The following ERAP1 variants were observed in gnomAD, a reference collection of about 807,000 sequenced individuals.
ERAP1 encodes endoplasmic reticulum aminopeptidase 1.
In ERAP1, 86 loss-of-function variants were observed where a neutral mutation model predicts 103.7. The ratio of observed to expected loss-of-function variants is 0.83; its 90% confidence interval spans 0.70 to 0.99. The LOEUF is 0.99. ERAP1 is among the 50% of genes least tolerant of loss of function. The pLI is 0.00. For synonymous variants in ERAP1, 398 were observed against 402.4 expected (o/e 0.99, Z 0.13); for missense variants, 1,009 against 1,128.4 (o/e 0.89, Z 1.52).
At chr5:96,811,770 A>C (rs972211548), upstream of ERAP1, among the ~76,000 whole-genome samples, 2 of 152,212 alleles carry the variant, frequency 1.3e-5, no homozygotes, top group African/African-American at 4.8e-5. Context: ...GTGGATCCTG[A>C]AGAACATTCT....
At chr5:96,924,507 G>C in the ERAP1 span, among the ~76,000 whole-genome samples, 3 of 151,948 alleles carry the variant, frequency 2.0e-5, no homozygotes, top group Admixed American at 2.0e-4. Flanking sequence ...ATAGCTGTAA[G>C]AAACAAACAA....
intron 1 of ERAP1, chr5:96,804,426 G>A (rs550996352): frequency 5.3e-6 from 1 of 188,616 alleles, no homozygotes; most frequent in East Asian, 1.4e-4. Context: ...TAGTACCCTG[G>A]AAATCAAATG....
chr5:96,838,801 C>T, the ERAP1 span, among the ~76,000 whole-genome samples: 1 of 139,046 alleles, frequency 7.2e-6, no homozygotes, highest in African/African-American at 2.7e-5. Flanking sequence ...GTGTAAATCA[C>T]TTGTCTCTAA....
At chr5:96,844,678 C>G in the ERAP1 span, among the ~76,000 whole-genome samples, 3 of 152,126 alleles carry the variant, frequency 2.0e-5, no homozygotes, top group Admixed American at 2.0e-4. Flanking sequence ...GATGGTAGCT[C>G]CAGGGCATTG....
chr5:96,783,848 C>CATG, intron 14 of ERAP1, 76 bp downstream of exon 14: 1 of 394,866 alleles, frequency 2.5e-6, no homozygotes, highest in Non-Finnish European at 3.3e-6. Context: ...CACACACACA[C>CATG]ACACACATAC....
chr5:96,762,395 G>A (rs752910063), exon 20 of ERAP1: 8 of 1,523,008 alleles, frequency 5.3e-6, no homozygotes, highest in Non-Finnish European at 7.1e-6. Context: ...TCTTATTTGG[G>A]AGATAAATGT....
At chr5:96,935,721 G>A in the ERAP1 span, 4 of 180,870 alleles carry the variant, frequency 2.2e-5, no homozygotes, top group Non-Finnish European at 3.5e-5. Context: ...GTCCGCTCCT[G>A]GGACTGGGAC....
the ERAP1 span, among the ~76,000 whole-genome samples, chr5:96,928,181 G>A: frequency 2.6e-5 from 4 of 152,060 alleles, no homozygotes; most frequent in Admixed American, 2.0e-4. Context: ...GAACCACCAC[G>A]CCTGGCTATC....
the ERAP1 span, among the ~76,000 whole-genome samples, chr5:96,910,554 T>TA: frequency 6.6e-6 from 1 of 152,180 alleles, no homozygotes; most frequent in African/African-American, 2.4e-5. Flanking sequence ...GTAAACATCC[T>TA]ACTGCCCTAT....
At chr5:96,762,554 A>T in exon 20 of ERAP1, 2 of 502,698 alleles carry the variant, frequency 4.0e-6, no homozygotes, top group East Asian at 6.3e-5. Flanking sequence ...CTTTGAAATG[A>T]TTAAATGAAA....
chr5:96,842,982 T>G, the ERAP1 span, among the ~76,000 whole-genome samples: 1 of 152,176 alleles, frequency 6.6e-6, no homozygotes, highest in Non-Finnish European at 1.5e-5. Context: ...GAGGATCCAG[T>G]TTCATTCTTC....
chr5:96,856,760 T>C, the ERAP1 span, among the ~76,000 whole-genome samples: 1 of 152,224 alleles, frequency 6.6e-6, no homozygotes, highest in Non-Finnish European at 1.5e-5. Context: ...ACTGGGTCTC[T>C]GTTTTCACTG....
At chr5:96,856,365 T>TATATATAG in the ERAP1 span, among the ~76,000 whole-genome samples, 102 of 20,372 alleles carry the variant, frequency 5.0e-3, 2 homozygotes, top group African/African-American at 0.015. Context: ...TATATATATA[T>TATATATAG]AGAGAGAGAG....
At chr5:96,844,329 T>G in the ERAP1 span, among the ~76,000 whole-genome samples, 7 of 152,196 alleles carry the variant, frequency 4.6e-5, no homozygotes, top group Non-Finnish European at 5.9e-5. Flanking sequence ...TACTTACTGC[T>G]CTGTTTCCTG....
chr5:96,926,532 G>A, the ERAP1 span, among the ~76,000 whole-genome samples: 1 of 152,090 alleles, frequency 6.6e-6, no homozygotes, highest in Non-Finnish European at 1.5e-5. Flanking sequence ...GCCTAGTCTG[G>A]ACATTTCATA....
rs1229607050 is a variant in ERAP1, at chr5:96,775,360, A to ATAATT, written c.*1031_*1035dup. ...GTACTATCATTTATTGGTGACTGCA[A>ATAATT]TAATTTACTGTCAGTAAATGCCAAT... On this transcript the variant is annotated 3_prime_UTR_variant, in exon 19 of 19. Transcript: ENST00000443439. The ATAATT allele has an allele frequency of 3.0e-6, 3 of 985,200 alleles. No homozygotes were observed. In the African/African-American group the frequency reaches 5.2e-5, roughly 17 times the overall value. The allele number at this position is 985,200 out of a possible 1,614,324, so 61.0% of individuals were successfully genotyped here. A position where few individuals can be genotyped will look rare whatever the true frequency, so the allele number is the denominator to read the frequency against.
the ERAP1 span, among the ~76,000 whole-genome samples, chr5:96,813,711 C>G: frequency 4.2e-5 from 6 of 141,300 alleles, no homozygotes; most frequent in Non-Finnish European, 7.6e-5. Flanking sequence ...TCTTCATACA[C>G]GAGGAAGATA....
At chr5:96,930,086 A>C in the ERAP1 span, among the ~76,000 whole-genome samples, 1 of 152,204 alleles carries the variant, frequency 6.6e-6, no homozygotes, top group South Asian at 2.1e-4. Context: ...GGGTCAAACA[A>C]GCCTTATTAT....
At chr5:96,824,999 C>T in the ERAP1 span, among the ~76,000 whole-genome samples, 15 of 152,218 alleles carry the variant, frequency 9.9e-5, no homozygotes, top group Non-Finnish European at 1.9e-4. Flanking sequence ...GCGATCATCA[C>T]GCCACTGCAC....
Sources: gnomAD v4.1 joint callset for allele counts (sites outside exome capture counted in the v4.1 genomes callset) on GRCh38, gnomAD v4.1.1 for gene constraint, MANE v1.5 for transcripts, NCBI Gene and HGNC (gene_info 2026-07-23, HGNC 2026-07-21) for gene names.